Variants in PIK3C2G observed in about 807,000 individuals in gnomAD.
PIK3C2G encodes phosphatidylinositol 3-kinase C2 domain-containing subunit gamma.
PIK3C2G carries 168 observed loss-of-function variants against 181.1 expected under a neutral mutation model. The ratio of observed to expected loss-of-function variants is 0.93; its 90% CI spans 0.82 to 1.05. PIK3C2G has a LOEUF of 1.05. Among genes scored for constraint, PIK3C2G ranks in the 50% least tolerant of loss-of-function variants. The pLI is 0.00. For missense variants in PIK3C2G, 1,869 were observed against 1,732.8 expected (o/e 1.08, Z -1.40); for synonymous variants, 573 against 592.2 (o/e 0.97, Z 0.47).
chr12:18,380,737 C>T (rs966242439), intron 13 of PIK3C2G, among the ~76,000 whole-genome samples: 21 of 152,164 alleles, frequency 1.4e-4, no homozygotes, highest in Non-Finnish European at 5.9e-5. Flanking sequence ...CTCCTCTAGG[C>T]AGATATGTGC....
At chr12:18,336,474 C>T (rs9300119) in intron 8 of PIK3C2G, among the ~76,000 whole-genome samples, 8,959 of 152,188 alleles carry the variant, frequency 0.059, 905 homozygotes, top group African/African-American at 0.21. Flanking sequence ...AGTACCCAAA[C>T]TAAACTCCAG....
At chr12:18,309,136 A>T (rs935270991) in intron 5 of PIK3C2G, among the ~76,000 whole-genome samples, 19 of 21,836 alleles carry the variant, frequency 8.7e-4, no homozygotes, top group African/African-American at 6.2e-4. Context: ...GTGGAATATA[A>T]AAAAAAATCA....
At chr12:18,547,890 A>G (rs1208706784) in intron 26 of PIK3C2G, among the ~76,000 whole-genome samples, 1 of 150,880 alleles carries the variant, frequency 6.6e-6, no homozygotes, top group African/African-American at 2.5e-5. Flanking sequence ...TTCAAGGATC[A>G]GGAACTCTAC....
At chr12:18,322,726 C>A (rs180829864) in intron 7 of PIK3C2G, among the ~76,000 whole-genome samples, 4 of 152,204 alleles carry the variant, frequency 2.6e-5, no homozygotes, top group Admixed American at 2.0e-4. Flanking sequence ...CCTTCTCTGC[C>A]ACCCTTCCCC....
At chr12:18,626,716 C>T (rs1949114978) in intron 31 of PIK3C2G, among the ~76,000 whole-genome samples, 1 of 151,974 alleles carries the variant, frequency 6.6e-6, no homozygotes, top group Non-Finnish European at 1.5e-5. Flanking sequence ...CTTCTTTCAG[C>T]ACTTCTACTA....
intron 26 of PIK3C2G, among the ~76,000 whole-genome samples, chr12:18,546,687 A>T (rs1472601851): frequency 6.6e-6 from 1 of 152,076 alleles, no homozygotes; most frequent in Non-Finnish European, 1.5e-5. Flanking sequence ...ATAAGAGGTC[A>T]TTGAAAAGAG....
intron 31 of PIK3C2G, among the ~76,000 whole-genome samples, chr12:18,611,842 A>C (rs1174091339): frequency 6.6e-6 from 1 of 152,130 alleles, no homozygotes; most frequent in Non-Finnish European, 1.5e-5. Flanking sequence ...TTTTGGTTGA[A>C]GTCACCAGCA....
At chr12:18,470,833 G>C (rs537788260) in intron 18 of PIK3C2G, among the ~76,000 whole-genome samples, 79 of 152,204 alleles carry the variant, frequency 5.2e-4, no homozygotes, top group African/African-American at 1.8e-3. Context: ...ATCAACAGGA[G>C]AATGTGTAGT....
chr12:18,641,474 G>T (rs1162258309), intron 32 of PIK3C2G, among the ~76,000 whole-genome samples: 3 of 152,088 alleles, frequency 2.0e-5, no homozygotes, highest in African/African-American at 7.2e-5. Flanking sequence ...TGCTTTTTGA[G>T]TTGTACCTTT....
At chr12:18,472,101 T>A (rs567920597) in intron 18 of PIK3C2G, among the ~76,000 whole-genome samples, 84 of 152,266 alleles carry the variant, frequency 5.5e-4, no homozygotes, top group Non-Finnish European at 9.6e-4. Flanking sequence ...TTTCTTTGTA[T>A]CTTCAAATTT....
intron 30 of PIK3C2G, among the ~76,000 whole-genome samples, chr12:18,604,446 AG>A (rs1237743662): frequency 6.6e-6 from 1 of 152,210 alleles, no homozygotes; most frequent in East Asian, 1.9e-4. Flanking sequence ...CAATAATAGT[AG>A]GGGACTTCAA....
chr12:18,414,410 C>A (rs61914541), intron 16 of PIK3C2G, among the ~76,000 whole-genome samples: 33,222 of 151,892 alleles, frequency 0.22, 3,848 homozygotes, highest in Admixed American at 0.34. Flanking sequence ...TTAATGTTTT[C>A]ATCCTTCTCA....
chr12:18,365,733 C>T (rs1941596544), intron 12 of PIK3C2G, among the ~76,000 whole-genome samples: 1 of 152,250 alleles, frequency 6.6e-6, no homozygotes, highest in East Asian at 1.9e-4. Flanking sequence ...TAAATGCCAA[C>T]AGCTCCCAAA....
chr12:18,458,523 G>A (rs144185298), intron 18 of PIK3C2G, among the ~76,000 whole-genome samples: 2 of 152,124 alleles, frequency 1.3e-5, no homozygotes, highest in African/African-American at 4.8e-5. Context: ...TTCTAAGATG[G>A]CCTCTAGTGA....
At chr12:18,600,907 A>T (rs986437541) in intron 30 of PIK3C2G, among the ~76,000 whole-genome samples, 9 of 152,158 alleles carry the variant, frequency 5.9e-5, no homozygotes, top group African/African-American at 9.7e-5. Flanking sequence ...ATGTTACTTA[A>T]ACACTTCCAG....
At chr12:18,643,042 A>C (rs952313225) in intron 32 of PIK3C2G, among the ~76,000 whole-genome samples, 12 of 152,160 alleles carry the variant, frequency 7.9e-5, no homozygotes, top group Non-Finnish European at 1.3e-4. Context: ...TGTTAGGCAT[A>C]AGCATTTTCA....
At chr12:18,553,991 G>T (rs1456578895) in intron 26 of PIK3C2G, among the ~76,000 whole-genome samples, 1 of 152,002 alleles carries the variant, frequency 6.6e-6, no homozygotes, top group African/African-American at 2.4e-5. Flanking sequence ...TTAGCAATCA[G>T]TTATGTTTTA....
intron 24 of PIK3C2G, among the ~76,000 whole-genome samples, chr12:18,524,395 C>T (rs1412962245): frequency 6.6e-6 from 1 of 152,056 alleles, no homozygotes; most frequent in Admixed American, 6.6e-5. Flanking sequence ...GGGTGGTATT[C>T]TCGCCTGTGG....
chr12:18,550,927 G>A (rs1944696363), intron 26 of PIK3C2G, among the ~76,000 whole-genome samples: 1 of 152,026 alleles, frequency 6.6e-6, no homozygotes, highest in South Asian at 2.1e-4. Context: ...GAAATAAACA[G>A]CTTTTTCCTG....
Sources: allele counts gnomAD v4.1 joint callset (sites outside exome capture counted in the v4.1 genomes callset), GRCh38; gene constraint gnomAD v4.1.1; transcripts MANE v1.5; gene names NCBI Gene and HGNC (gene_info 2026-07-23, HGNC 2026-07-21).